ADGRE5: variants seen among roughly 807,000 people sequenced by gnomAD.
The protein encoded by ADGRE5 is CD97 molecule.
In ADGRE5, 72 loss-of-function variants were observed where a neutral mutation model predicts 100.3. That is an observed-to-expected ratio of 0.72 (90% CI 0.59 to 0.87). The LOEUF (loss-of-function observed/expected upper bound fraction) is 0.87, where lower values mean the gene tolerates loss of function less well. ADGRE5 is among the 40% of genes least tolerant of loss of function. The probability of loss-of-function intolerance (pLI) is 0.00; values close to 1 mark genes in which losing one functional copy is unlikely to be tolerated. For synonymous variants in ADGRE5, 439 were observed against 447.8 expected (o/e 0.98, Z 0.25); for missense variants, 959 against 1,094.7 (o/e 0.88, Z 1.75).
intron 1 of ADGRE5, among the ~76,000 whole-genome samples, chr19:14,384,249 G>A (rs112659398): frequency 0.01 from 1,523 of 152,162 alleles, 12 homozygotes; most frequent in Non-Finnish European, 0.017. Flanking sequence ...GTGGAGGTGG[G>A]AGTGGGGATC....
chr19:14,389,343 A>AGGGGAAGGGGAGGGGGAGGGGGAAG (rs1975506253), intron 3 of ADGRE5, among the ~76,000 whole-genome samples: 2 of 12,140 alleles, frequency 1.6e-4, no homozygotes, highest in Non-Finnish European at 2.6e-4. Flanking sequence ...GGGGAAGGGG[A>AGGGGAAGGGGAGGGGGAGGGGGAAG]GGGGAAGGGG....
rs370774268 is a variant in ADGRE5 at position 14,404,200 on chromosome 19, A to G, written c.1450-183A>G. 5.3e-5 allele frequency among the ~76,000 whole-genome samples: 8 copies of G among 152,048 alleles called. No homozygotes were observed. In the East Asian group the frequency reaches 1.2e-3, roughly 22 times the overall value. ...GGCCACCTCTCCCACTCTTATGTCA[A>G]CCTCACAAGGGTAGGTACTTGTGTG... is the stretch of plus-strand genomic sequence containing the variant. On this transcript the variant is annotated intron_variant, in intron 12 of 19. Coordinates refer to ENST00000242786, the MANE Select transcript of ADGRE5 (RefSeq NM_078481.4).
Position 14,405,861 on chromosome 19 carries a change from C to T in ADGRE5, c.1743C>T (p.Thr581=). 1 of 1,613,060 alleles carries T rather than the reference C, an allele frequency of 6.2e-7. No homozygotes were observed. The highest frequency in any genetic ancestry group is 8.5e-7 in the Non-Finnish European group (1 of 1,179,996). ...GGCCCATCCAGGGCTCGCGCACCAC[C>T]ATACACCTGCACCTCTGCATCTGCC... The part of the protein sequence containing the change: ...LVRPIQGSRT[T]IHLHLCICLF... The change falls in exon 14 of 20, where the codon ACC becomes ACT. Residue 581 remains threonine, a synonymous_variant. Coordinates refer to ENST00000242786, the MANE Select transcript of ADGRE5 (RefSeq NM_078481.4).
intron 3 of ADGRE5, 46 bp from the exon 4 acceptor site, chr19:14,390,878 G>T (rs1465416612): frequency 6.2e-7 from 1 of 1,602,978 alleles, no homozygotes; most frequent in Non-Finnish European, 8.5e-7. Flanking sequence ...TGCCCTGACA[G>T]AACTCACATC....
intron 4 of ADGRE5, among the ~76,000 whole-genome samples, chr19:14,392,019 G>A (rs900279187): frequency 1.3e-5 from 2 of 149,432 alleles, no homozygotes; most frequent in African/African-American, 2.5e-5. Context: ...CAGGAGAATC[G>A]CTTGAACTCA....
At chr19:14,400,572 G>A (rs565327970) in intron 9 of ADGRE5, among the ~76,000 whole-genome samples, 6 of 151,886 alleles carry the variant, frequency 4.0e-5, no homozygotes, top group African/African-American at 9.7e-5. Context: ...CAGGCAGATC[G>A]CCTGAGGTCA....
intron 6 of ADGRE5, 75 bp downstream of exon 6, chr19:14,397,298 C>T: frequency 1.2e-6 from 2 of 1,603,584 alleles, no homozygotes; most frequent in Non-Finnish European, 1.7e-6. Context: ...CCACACAAAC[C>T]AAGCAGAATG....
At chr19:14,388,328 A>G in intron 1 of ADGRE5, 122 bp from the exon 2 acceptor site, 1 of 1,527,394 alleles carries the variant, frequency 6.5e-7, no homozygotes, top group African/African-American at 1.4e-5. Flanking sequence ...GCTCACTCTG[A>G]ACGACCGTCA....
In ADGRE5 at chr19:14,405,919, A is replaced by G. The variant is rs769576560; in HGVS notation, c.1801A>G (p.Ile601Val). The change falls in exon 14 of 20, where the codon ATC becomes GTC. Residue 601 changes from isoleucine to valine, a missense_variant. By Grantham distance (29) the Ile-to-Val change is conservative. This residue lies in a region of ADGRE5 where 428 missense variants were observed against 386.2 expected (regional missense o/e 1.11). Transcript: ENST00000242786. ...FVGSTIFLAG[I>V]ENEGGQVGLR... is the part of the protein sequence containing the mutation. ...GGGCTCCACCATCTTCCTGGCCGGC[A>G]TCGAGAACGAAGGCGGCCAGGTGAG... is the stretch of plus-strand genomic sequence containing the variant. The G allele has an allele frequency of 2.3e-5, 37 of 1,608,988 alleles. No homozygotes were observed. The East Asian group carries it at 8.2e-4, about 36-fold the overall frequency.
intron 4 of ADGRE5, among the ~76,000 whole-genome samples, chr19:14,395,818 C>T (rs536315094): frequency 7.2e-5 from 11 of 152,310 alleles, no homozygotes; most frequent in East Asian, 1.9e-4. Context: ...TGCCCTGCAT[C>T]GCGGGGGCAC....
intron 1 of ADGRE5, among the ~76,000 whole-genome samples, chr19:14,386,228 A>G (rs1975343444): frequency 6.6e-6 from 1 of 151,234 alleles, no homozygotes; most frequent in African/African-American, 2.4e-5. Context: ...AAATATAAAA[A>G]GTTAGCCAGG....
Position 14,406,288 on chromosome 19 carries a change from C to T in ADGRE5, c.1822-43C>T, listed in dbSNP as rs1210044994. ...ACTGGCTCTGGCGCCGCATGCCCCTCCCCGCGCTGACGTCGCTCCGCCCCT... is the reference window on the plus strand; with the variant it reads ...ACTGGCTCTGGCGCCGCATGCCCCTTCCCGCGCTGACGTCGCTCCGCCCCT... On this transcript the variant is annotated intron_variant, in intron 14 of 19. Transcript: ENST00000242786. The surrounding 1 kb of genome is among the most constrained non-coding windows in gnomAD (Gnocchi z 6.0). The T allele has an allele frequency of 2.8e-6, 4 of 1,452,426 alleles. No individual in the cohort carries two copies. In the East Asian group the frequency reaches 9.9e-5, roughly 36 times the overall value. 90.0% of individuals were successfully genotyped at this position (1,452,426 alleles called of 1,614,324 possible).
chr19:14,399,380 T>C (rs1005568204), intron 9 of ADGRE5, among the ~76,000 whole-genome samples: 6 of 150,478 alleles, frequency 4.0e-5, no homozygotes, highest in Admixed American at 1.3e-4. Context: ...CTGGCCAACA[T>C]GGCGAAACCC....
intron 6 of ADGRE5, 70 bp downstream of exon 6, chr19:14,397,293 C>T: frequency 6.2e-7 from 1 of 1,606,220 alleles, no homozygotes; most frequent in South Asian, 1.1e-5. Context: ...GGCGCCCACA[C>T]AAACCAAGCA....
chr19:14,406,461 G>C lies in ADGRE5; in HGVS notation c.1952G>C (p.Ser651Thr), dbSNP rs1387897198. The C allele has an allele frequency of 1.9e-6, 3 of 1,570,706 alleles. No individual in the cohort carries two copies. The highest frequency in any genetic ancestry group is 2.6e-6 in the Non-Finnish European group (3 of 1,158,068). The stretch of plus-strand genomic sequence containing the variant: ...CGCGTGTTCCAAGGCCAGGGCCTGA[G>C]TACGCGCTGGCTCTGCCTGATCGGC... ...VVRVFQGQGL[S>T]TRWLCLIGYG... Residue 651 changes from serine (S) to threonine (T), a missense_variant, in exon 15 of 20, where the codon AGT becomes ACT. Physicochemically the swap from Ser to Thr is moderately conservative, Grantham distance 58. Around this residue, in one of 6 missense-constraint regions of ADGRE5, gnomAD observed 428 missense variants for 386.2 expected, o/e 1.11. Transcript: ENST00000242786. This position sits in a 1 kb window ranked among gnomAD's most constrained non-coding sequence, Gnocchi z 6.0.
In ADGRE5 at chr19:14,401,682, G is replaced by A. The variant is rs775345308; in HGVS notation, c.1105G>A (p.Asp369Asn). ...ELTLMIQERG[D>N]KNVTMGQSSA... is the part of the protein sequence containing the mutation. ...GACCCTGATGATCCAGGAGCGGGGGGACAAGAACGTCACTATGGGTCAGAG... is the reference window on the plus strand; with the variant it reads ...GACCCTGATGATCCAGGAGCGGGGGAACAAGAACGTCACTATGGGTCAGAG... Residue 369 changes from aspartate (D) to asparagine (N), a missense_variant, in exon 11 of 20, where the codon GAC becomes AAC. Around this residue, in one of 6 missense-constraint regions of ADGRE5, gnomAD observed 246 missense variants for 242.2 expected, o/e 1.02. Coordinates refer to ENST00000242786, the MANE Select transcript of ADGRE5 (RefSeq NM_078481.4). This position sits in a 1 kb window ranked among gnomAD's most constrained non-coding sequence, Gnocchi z 4.1. The A allele has an allele frequency of 1.5e-5, 24 of 1,592,754 alleles. 1 individual carries two copies. The East Asian group carries it at 4.9e-4, about 33-fold the overall frequency.
chr19:14,397,324 T>G, intron 6 of ADGRE5, 101 bp downstream of exon 6: 1 of 1,569,830 alleles, frequency 6.4e-7, no homozygotes, highest in Non-Finnish European at 8.7e-7. Context: ...TGGAGGCACC[T>G]GGCTGTGCCA....
rs749131018 is a variant in ADGRE5 at position 14,406,381 on chromosome 19, G to A, written c.1872G>A (p.Leu624=). The change falls in exon 15 of 20, where the codon CTG becomes CTA. Residue 624 remains leucine (L), a synonymous_variant. Coordinates refer to ENST00000242786, the MANE Select transcript of ADGRE5 (RefSeq NM_078481.4). The surrounding 1 kb of genome is among the most constrained non-coding windows in gnomAD (Gnocchi z 6.0). ...LVAGLLHYCF[L]AAFCWMSLEG... ...CCGGGCTGCTGCACTACTGTTTCCT[G>A]GCCGCCTTCTGCTGGATGAGCCTCG... The A allele has an allele frequency of 6.3e-7, 1 of 1,589,562 alleles. No homozygotes were observed. The highest frequency in any genetic ancestry group is 8.6e-7 in the Non-Finnish European group (1 of 1,169,132).
At chr19:14,383,850 C>T (rs569999995) in intron 1 of ADGRE5, among the ~76,000 whole-genome samples, 77 of 152,126 alleles carry the variant, frequency 5.1e-4, no homozygotes, top group African/African-American at 1.9e-3. Flanking sequence ...GAACCCTGCC[C>T]AGGGCCCTGA....
Sources: gnomAD v4.1 joint callset for allele counts (sites outside exome capture counted in the v4.1 genomes callset) on GRCh38, gnomAD v4.1.1 for gene constraint, gnomAD v4.1.1 regional missense constraint, Gnocchi (gnomAD v3.1) non-coding constraint, MANE v1.5 for transcripts, NCBI Gene and HGNC (gene_info 2026-07-23, HGNC 2026-07-21) for gene names.